The following RALYL variants were observed in gnomAD, a reference collection of about 807,000 sequenced individuals.
RALYL encodes RNA-binding Raly-like protein.
A neutral mutation model predicts 35.1 loss-of-function variants in RALYL; 29 were observed. The observed-to-expected ratio is 0.83, with a 90% CI of 0.61 to 1.13. The LOEUF is 1.13. Ranked by LOEUF, RALYL falls within the 50% of genes most tolerant of loss-of-function variation. The pLI is 0.00. For synonymous variants in RALYL, 120 were observed against 127.6 expected, an observed-to-expected ratio of 0.94 and a Z score of 0.40; for missense variants, 359 against 360.4, an observed-to-expected ratio of 1.00 and a Z score of 0.03.
intron 2 of RALYL, among the ~76,000 whole-genome samples, chr8:84,539,066 A>G (rs1466467173): frequency 6.6e-6 from 1 of 152,204 alleles, no homozygotes; most frequent in Non-Finnish European, 1.5e-5. Context: ...GAATTGAAAT[A>G]TAGCTTGCAA....
At chr8:84,373,187 T>C (rs1259925803) in intron 1 of RALYL, among the ~76,000 whole-genome samples, 1 of 151,708 alleles carries the variant, frequency 6.6e-6, no homozygotes, top group Non-Finnish European at 1.5e-5. Flanking sequence ...ATTCTGTAGG[T>C]TGTCTGTTTA....
chr8:84,856,651 A>T (rs543684035), intron 5 of RALYL, among the ~76,000 whole-genome samples: 1 of 152,368 alleles, frequency 6.6e-6, no homozygotes, highest in South Asian at 2.1e-4. Flanking sequence ...ATTTATTTGA[A>T]GTCAGAGTAG....
intron 1 of RALYL, among the ~76,000 whole-genome samples, chr8:84,426,473 T>TGTGGGG (rs781271546): frequency 6.7e-6 from 1 of 149,030 alleles, no homozygotes; most frequent in Non-Finnish European, 1.5e-5. Context: ...TGTGTGTGTG[T>TGTGGGG]GGGTTTAGAT....
chr8:84,380,792 T>G (rs1857833157), intron 1 of RALYL, among the ~76,000 whole-genome samples: 1 of 151,874 alleles, frequency 6.6e-6, no homozygotes, highest in African/African-American at 2.4e-5. Context: ...AAATTAGTCA[T>G]CACAGGTGTC....
chr8:84,716,506 G>T (rs945375459), intron 2 of RALYL, among the ~76,000 whole-genome samples: 1 of 152,106 alleles, frequency 6.6e-6, no homozygotes, highest in Admixed American at 6.5e-5. Context: ...ATGGTCACTT[G>T]CATTGTATAA....
In RALYL at chr8:84,683,001, A is replaced by C. The variant is rs559350507; in HGVS notation, c.257-91578A>C. 2.6e-5 allele frequency among the ~76,000 whole-genome samples: 4 copies of C among 152,278 alleles called. No homozygotes were observed. In the South Asian group the frequency reaches 8.3e-4, roughly 32 times the overall value. On this transcript the variant is annotated intron_variant, in intron 2 of 8. Transcript: ENST00000521268. ...TTTAGTGCTATAAATTTCCCTCTACACACTGCTTTGAATGTTTTCCAGAGA... is the reference window on the plus strand; with the variant it reads ...TTTAGTGCTATAAATTTCCCTCTACCCACTGCTTTGAATGTTTTCCAGAGA...
At chr8:84,270,553 C>CGTGTGT (rs34047869) in intron 1 of RALYL, among the ~76,000 whole-genome samples, 5,329 of 147,274 alleles carry the variant, frequency 0.036, 188 homozygotes, top group Admixed American at 0.12. Flanking sequence ...ACATGAAATT[C>CGTGTGT]GTGTGTGTGT....
chr8:84,237,831 T>G (rs1586442084), intron 1 of RALYL, among the ~76,000 whole-genome samples: 1 of 151,892 alleles, frequency 6.6e-6, no homozygotes, highest in East Asian at 1.9e-4. Context: ...ATTTAAAAAC[T>G]GAGGAGATGA....
intron 1 of RALYL, among the ~76,000 whole-genome samples, chr8:84,402,745 G>A (rs371350879): frequency 3.3e-5 from 5 of 152,084 alleles, no homozygotes; most frequent in African/African-American, 1.2e-4. Flanking sequence ...ATCTCAAAGA[G>A]ATTCATATTT....
intron 4 of RALYL, among the ~76,000 whole-genome samples, chr8:84,819,647 G>A (rs1389689643): frequency 6.6e-6 from 1 of 152,126 alleles, no homozygotes; most frequent in Non-Finnish European, 1.5e-5. Context: ...AGAAACAGAG[G>A]GGCTGATTGT....
intron 2 of RALYL, among the ~76,000 whole-genome samples, chr8:84,612,662 C>T (rs1818574964): frequency 6.6e-6 from 1 of 151,600 alleles, no homozygotes; most frequent in Non-Finnish European, 1.5e-5. Flanking sequence ...CCTTTAATTA[C>T]TACAAAAATA....
intron 2 of RALYL, among the ~76,000 whole-genome samples, chr8:84,596,167 T>G (rs758896451): frequency 3.3e-5 from 5 of 152,162 alleles, no homozygotes; most frequent in Non-Finnish European, 5.9e-5. Context: ...TCAGGGTTTT[T>G]GGTTCTACAT....
Position 84,503,222 on chromosome 8 carries a change from G to A in RALYL, c.-23-26077G>A, listed in dbSNP as rs553488480. 1.1e-4 allele frequency among the ~76,000 whole-genome samples: 17 copies of A among 151,848 alleles called. No homozygotes were observed. In the South Asian group the frequency reaches 2.5e-3, roughly 22 times the overall value. ...GAGTGCAGTGGTAGGATCATAGCTC[G>A]CTGCAGCCTCAAACTCCTGAGCTCA... On this transcript the variant is annotated intron_variant, in intron 1 of 8. Transcript: ENST00000521268.
intron 1 of RALYL, among the ~76,000 whole-genome samples, chr8:84,332,830 G>A (rs117440651): frequency 0.025 from 3,747 of 152,132 alleles, 96 homozygotes; most frequent in Non-Finnish European, 0.031. Context: ...GAGAAAAAGA[G>A]CTGGAGGGGA....
At chr8:84,358,020 T>G (rs745931098) in intron 1 of RALYL, among the ~76,000 whole-genome samples, 1 of 151,678 alleles carries the variant, frequency 6.6e-6, no homozygotes, top group Non-Finnish European at 1.5e-5. Context: ...GAAAGCAAAA[T>G]AATTTTGAAG....
intron 8 of RALYL, among the ~76,000 whole-genome samples, chr8:84,913,824 C>G (rs1015759231): frequency 6.6e-6 from 1 of 151,322 alleles, no homozygotes; most frequent in Non-Finnish European, 1.5e-5. Context: ...CCCAAATATA[C>G]TGATTTAAAA....
At chr8:84,587,160 C>T (rs1426816859) in intron 2 of RALYL, among the ~76,000 whole-genome samples, 2 of 152,056 alleles carry the variant, frequency 1.3e-5, no homozygotes, top group Non-Finnish European at 2.9e-5. Context: ...ATTCTGGTGG[C>T]AAAACTGAGA....
intron 1 of RALYL, among the ~76,000 whole-genome samples, chr8:84,523,393 C>G (rs189654883): frequency 6.6e-6 from 1 of 151,646 alleles, no homozygotes; most frequent in Non-Finnish European, 1.5e-5. Flanking sequence ...CCCACTGGGT[C>G]CCTCCCATAA....
intron 2 of RALYL, among the ~76,000 whole-genome samples, chr8:84,682,042 A>G (rs892348591): frequency 6.6e-6 from 1 of 152,178 alleles, no homozygotes; most frequent in Non-Finnish European, 1.5e-5. Context: ...GAGAGTTTTT[A>G]GCATGAAGGG....
Sources: allele counts gnomAD v4.1 joint callset (sites outside exome capture counted in the v4.1 genomes callset), GRCh38; gene constraint gnomAD v4.1.1; transcripts MANE v1.5; gene names NCBI Gene and HGNC (gene_info 2026-07-23, HGNC 2026-07-21).